Variants in ATP8B1 observed in about 807,000 individuals in gnomAD.
ATP8B1 encodes ATPase phospholipid transporting 8B1.
A neutral mutation model predicts 149.9 loss-of-function variants in ATP8B1; 80 were observed. That is an observed-to-expected ratio of 0.53 (90% CI 0.45 to 0.64). The LOEUF (loss-of-function observed/expected upper bound fraction) is 0.64, where lower values mean the gene tolerates loss of function less well. ATP8B1 is among the 30% of genes least tolerant of loss of function. ATP8B1 has a pLI of 0.00. For synonymous variants in ATP8B1, 536 were observed against 562.8 expected (o/e 0.95, Z 0.67); for missense variants, 1,247 against 1,552.6 (o/e 0.80, Z 3.31).
Position 57,701,330 on chromosome 18 carries a change from G to T in ATP8B1, c.394-17C>A. The T allele has an allele frequency of 1.2e-6, 2 of 1,600,990 alleles. No individual in the cohort carries two copies. The highest frequency in any genetic ancestry group is 1.7e-6 in the Non-Finnish European group (2 of 1,168,112). On this transcript the variant is annotated splice_polypyrimidine_tract_variant and intron_variant, in intron 4 of 27. Coordinates refer to ENST00000648908, the MANE Select transcript of ATP8B1 (RefSeq NM_001374385.1). ...AGGAACTGCCTAAAAGAATAAAAGG[G>T]CTTATGTGTGTGTCCATGAAGGCAT...
At chr18:57,728,147 T>TA (rs35037082) in intron 2 of ATP8B1, among the ~76,000 whole-genome samples, 14 of 148,942 alleles carry the variant, frequency 9.4e-5, no homozygotes, top group South Asian at 8.6e-4. Flanking sequence ...TTCCTTTCTT[T>TA]AAAAAAAAAA....
In ATP8B1 at chr18:57,802,645, G is replaced by T. The variant is rs929631966; in HGVS notation, c.-26+353C>A. On this transcript the variant is annotated intron_variant, in intron 1 of 27. Transcript: ENST00000648908. The surrounding 1 kb of genome is among the most constrained non-coding windows in gnomAD (Gnocchi z 4.9). ...CACAGGAGCCAGCGGCATCCCCCAA[G>T]GAGCCGCAAGCCCTACCTGGCTTAA... Among the ~76,000 whole-genome samples, 2 of 152,248 alleles carry T rather than the reference G, an allele frequency of 1.3e-5. No homozygotes were observed. Among genetic ancestry groups the T allele is most frequent in the Admixed American group, 1.3e-4 (2 of 15,292 alleles).
At chr18:57,786,818 A>T (rs1224899295) in intron 1 of ATP8B1, among the ~76,000 whole-genome samples, 1 of 152,188 alleles carries the variant, frequency 6.6e-6, no homozygotes. Context: ...TGTTCTTCCA[A>T]TGGTTCATGA....
At chr18:57,717,710 A>G (rs945037053) in intron 2 of ATP8B1, among the ~76,000 whole-genome samples, 22 of 151,812 alleles carry the variant, frequency 1.4e-4, no homozygotes, top group African/African-American at 5.3e-4. Context: ...AATGAAACAA[A>G]AACGGTTTTT....
intron 2 of ATP8B1, among the ~76,000 whole-genome samples, chr18:57,714,101 C>A (rs970599255): frequency 6.6e-6 from 1 of 152,190 alleles, no homozygotes; most frequent in Non-Finnish European, 1.5e-5. Context: ...CACAAGCTGA[C>A]TGAAGAGGCC....
intron 22 of ATP8B1, among the ~76,000 whole-genome samples, chr18:57,660,885 A>G (rs1910345434): frequency 6.6e-6 from 1 of 152,198 alleles, no homozygotes; most frequent in Non-Finnish European, 1.5e-5. Context: ...AATACACAAC[A>G]TCTATATAAA....
At chr18:57,790,870 A>G (rs564524239) in intron 1 of ATP8B1, among the ~76,000 whole-genome samples, 1 of 152,060 alleles carries the variant, frequency 6.6e-6, no homozygotes, top group South Asian at 2.1e-4. Flanking sequence ...ACAGGCACGC[A>G]CCACCACACC....
At chr18:57,730,251 T>TG in intron 2 of ATP8B1, among the ~76,000 whole-genome samples, 1 of 141,028 alleles carries the variant, frequency 7.1e-6, no homozygotes. Context: ...GGGTTTGGCA[T>TG]GGGGGAAAAA....
At chr18:57,683,532 TG>T (rs1173554661) in intron 15 of ATP8B1, among the ~76,000 whole-genome samples, 1 of 152,160 alleles carries the variant, frequency 6.6e-6, no homozygotes, top group Non-Finnish European at 1.5e-5. Context: ...CTCCTTTAAA[TG>T]GAAAAAGGCA....
At chr18:57,795,237 A>T (rs1424629083) in intron 1 of ATP8B1, among the ~76,000 whole-genome samples, 1 of 148,436 alleles carries the variant, frequency 6.7e-6, no homozygotes. Flanking sequence ...ACACACACAC[A>T]TTTTTTTTTT....
Position 57,688,317 on chromosome 18 carries a change from T to TA in ATP8B1, c.1410dup (p.Ile471TyrfsTer24). The TA allele has an allele frequency of 6.2e-7, 1 of 1,614,170 alleles. No homozygotes were observed. Among genetic ancestry groups the TA allele is most frequent in the Non-Finnish European group, 8.5e-7 (1 of 1,180,008 alleles). On this transcript the variant is annotated frameshift_variant, in exon 13 of 28. Transcript: ENST00000648908. LOFTEE classifies it high-confidence loss of function. ...CACTTACCATATATCTGCCCGTTGA[T>TA]ACAGCACTTTTTAAAGGTCATGATA...
At chr18:57,668,666 G>A in intron 18 of ATP8B1, 126 bp from the exon 19 acceptor site, 1 of 639,898 alleles carries the variant, frequency 1.6e-6, no homozygotes, top group African/African-American at 1.8e-5. Flanking sequence ...GCTCTCCTGG[G>A]GCCAATGGCC....
chr18:57,800,870 G>A lies in ATP8B1; in HGVS notation c.-26+2128C>T, dbSNP rs193031486. ...AAAGAAAGAGGAAAGAGGAATGGACGGAAGGAAAGGAAAAGAACATTCTAC... is the reference window on the plus strand; with the variant it reads ...AAAGAAAGAGGAAAGAGGAATGGACAGAAGGAAAGGAAAAGAACATTCTAC... On this transcript the variant is annotated intron_variant, in intron 1 of 27. Transcript: ENST00000648908. 5.0e-3 allele frequency among the ~76,000 whole-genome samples: 765 copies of A among 152,208 alleles called. 2 individuals carry two copies. Among genetic ancestry groups the A allele is most frequent in the Middle Eastern group, 0.01 (3 of 292 alleles).
intron 1 of ATP8B1, among the ~76,000 whole-genome samples, chr18:57,775,642 GTTTTT>G (rs35786009): frequency 1.1e-5 from 1 of 95,048 alleles, no homozygotes; most frequent in Non-Finnish European, 2.2e-5. Flanking sequence ...AACTGGCCAT[GTTTTT>G]TTTTTTTTTT....
chr18:57,721,212 C>A (rs1324256192), intron 2 of ATP8B1, among the ~76,000 whole-genome samples: 1 of 139,522 alleles, frequency 7.2e-6, no homozygotes, highest in South Asian at 2.5e-4. Flanking sequence ...CACCAGCTAA[C>A]ATCATAATGA....
intron 1 of ATP8B1, 82 bp from the exon 2 acceptor site, chr18:57,731,914 C>A: frequency 8.2e-7 from 1 of 1,221,452 alleles, no homozygotes; most frequent in Admixed American, 1.7e-5. Flanking sequence ...TGCTACAATG[C>A]CCCTTTTACA....
At chr18:57,760,756 C>T (rs1316632392) in intron 1 of ATP8B1, among the ~76,000 whole-genome samples, 3 of 152,020 alleles carry the variant, frequency 2.0e-5, no homozygotes, top group Admixed American at 1.3e-4. Flanking sequence ...CTTGGGAGGC[C>T]GAGGTGGGTG....
At chr18:57,651,196 T>C (rs1909592890) in intron 26 of ATP8B1, among the ~76,000 whole-genome samples, 1 of 152,178 alleles carries the variant, frequency 6.6e-6, no homozygotes, top group Non-Finnish European at 1.5e-5. Context: ...AGCCTCAACC[T>C]CCTGGGCTCA....
At chr18:57,750,513 A>C (rs4941033) in intron 1 of ATP8B1, among the ~76,000 whole-genome samples, 20,572 of 152,236 alleles carry the variant, frequency 0.14, 1,813 homozygotes, top group South Asian at 0.29. Context: ...GCTCTTCTAC[A>C]ATATTCATCA....
Sources: allele counts gnomAD v4.1 joint callset (sites outside exome capture counted in the v4.1 genomes callset), GRCh38; gene constraint gnomAD v4.1.1; non-coding constraint Gnocchi (gnomAD v3.1); transcripts MANE v1.5; gene names NCBI Gene and HGNC (gene_info 2026-07-23, HGNC 2026-07-21).